Variants in TFEC observed in about 807,000 individuals in gnomAD.
The protein encoded by TFEC is class E basic helix-loop-helix protein 34.
A neutral mutation model predicts 41.6 loss-of-function variants in TFEC; 31 were observed. The ratio of observed to expected loss-of-function variants is 0.74; its 90% CI spans 0.56 to 1.01. TFEC has a LOEUF of 1.01. Ranked by LOEUF, TFEC falls within the 50% of genes least tolerant of loss-of-function variation. The pLI, the probability that TFEC is intolerant of heterozygous loss-of-function variation, is 0.00. For synonymous variants in TFEC, 143 were observed against 140.6 expected (o/e 1.02, Z -0.12); for missense variants, 402 against 404.1 (o/e 0.99, Z 0.04).
chr7:116,049,793 T>A lies in TFEC; in HGVS notation c.198+60915A>T, dbSNP rs4470963. ...TAACAAACTGTCTCTCAGACCACAG[T>A]GCAATCAAACTAGAACTCAGGATTA... is the stretch of plus-strand genomic sequence containing the variant. On this transcript the variant is annotated intron_variant, in intron 3 of 8. Coordinates refer to the TFEC transcript ENST00000484212. Among the ~76,000 whole-genome samples, 322 of 152,294 alleles carry A rather than the reference T, an allele frequency of 2.1e-3. 1 individual carries two copies. The highest frequency in any genetic ancestry group is 7.3e-3 in the African/African-American group (304 of 41,560).
chr7:116,138,422 C>T (rs12666836), intron 1 of TFEC, among the ~76,000 whole-genome samples: 23,616 of 152,116 alleles, frequency 0.16, 1,980 homozygotes, highest in East Asian at 0.33. Flanking sequence ...GCTCTGATCT[C>T]ATATAGGCCC....
At chr7:115,951,325 A>C (rs535482148) in intron 5 of TFEC, among the ~76,000 whole-genome samples, 16 of 151,996 alleles carry the variant, frequency 1.1e-4, no homozygotes, top group Non-Finnish European at 1.8e-4. Flanking sequence ...GTCGTGCAAC[A>C]CTCTTTACTC....
At chr7:116,073,681 T>C (rs1796884276) in intron 3 of TFEC, among the ~76,000 whole-genome samples, 1 of 151,828 alleles carries the variant, frequency 6.6e-6, no homozygotes, top group Non-Finnish European at 1.5e-5. Context: ...GCCAAACAAG[T>C]CTTGAAAAAG....
chr7:116,008,525 T>A lies in TFEC; in HGVS notation c.-73+22108A>T, dbSNP rs73460636. Reference sequence around the variant, plus strand: ...GCTTCACAAGTGAATAATAGGTAACTATTAATTATGTTCTTGGTATCAGAG... The same window carrying A: ...GCTTCACAAGTGAATAATAGGTAACAATTAATTATGTTCTTGGTATCAGAG... On this transcript the variant is annotated intron_variant, in intron 1 of 7. Transcript: ENST00000265440. 5.6e-3 allele frequency among the ~76,000 whole-genome samples: 848 copies of A among 152,286 alleles called. 9 individuals are homozygous for A. Among genetic ancestry groups the A allele is most frequent in the African/African-American group, 0.02 (819 of 41,560 alleles).
intron 3 of TFEC, among the ~76,000 whole-genome samples, chr7:116,083,163 G>GTCTAATCTCTAAAATTAGA (rs1797128876): frequency 1.3e-5 from 2 of 151,740 alleles, no homozygotes; most frequent in African/African-American, 4.8e-5. Flanking sequence ...GACTATAAGT[G>GTCTAATCTCTAAAATTAGA]CACAATGTGT....
At chr7:115,958,263 A>G (rs1311893950) in intron 3 of TFEC, among the ~76,000 whole-genome samples, 1 of 151,906 alleles carries the variant, frequency 6.6e-6, no homozygotes, top group Non-Finnish European at 1.5e-5. Flanking sequence ...AATAAATACA[A>G]TTATTCTTTG....
At chr7:116,035,538 T>C (rs984116936), upstream of TFEC, among the ~76,000 whole-genome samples, 4 of 152,116 alleles carry the variant, frequency 2.6e-5, no homozygotes, top group African/African-American at 4.8e-5. Context: ...ATTGGGTACA[T>C]TTGTTAATAT....
At chr7:116,091,449 T>C (rs1584504353) in intron 3 of TFEC, among the ~76,000 whole-genome samples, 1 of 152,222 alleles carries the variant, frequency 6.6e-6, no homozygotes, top group African/African-American at 2.4e-5. Context: ...TTTCCTTCAG[T>C]GTGCTTCTCC....
chr7:116,127,416 G>T (rs559098741), intron 1 of TFEC, among the ~76,000 whole-genome samples: 1 of 152,066 alleles, frequency 6.6e-6, no homozygotes, highest in South Asian at 2.1e-4. Flanking sequence ...GTAATAATTC[G>T]TGTCGTTTAG....
chr7:116,087,068 T>C (rs533957258), intron 3 of TFEC, among the ~76,000 whole-genome samples: 4 of 152,068 alleles, frequency 2.6e-5, no homozygotes, highest in Admixed American at 2.6e-4. Context: ...AGGAATTTCA[T>C]GGCAAAACTG....
chr7:116,038,290 C>T (rs907126829), intron 3 of TFEC, among the ~76,000 whole-genome samples: 1 of 152,008 alleles, frequency 6.6e-6, no homozygotes, highest in Non-Finnish European at 1.5e-5. Context: ...TTGTCTTTAA[C>T]ATGCAATCTC....
At chr7:116,142,762 GTC>G (rs1344329197) in intron 1 of TFEC, among the ~76,000 whole-genome samples, 1 of 152,086 alleles carries the variant, frequency 6.6e-6, no homozygotes, top group Admixed American at 6.5e-5. Context: ...CCTGTTTCCA[GTC>G]TCTTCCTGAA....
At chr7:116,014,256 G>T (rs1053945725) in intron 1 of TFEC, among the ~76,000 whole-genome samples, 1 of 151,900 alleles carries the variant, frequency 6.6e-6, no homozygotes, top group Non-Finnish European at 1.5e-5. Context: ...TATTTTTTGA[G>T]AGATAATTTT....
chr7:116,155,943 A>T (rs1267083870), intron 1 of TFEC, among the ~76,000 whole-genome samples: 1 of 152,122 alleles, frequency 6.6e-6, no homozygotes, highest in African/African-American at 2.4e-5. Context: ...TATGCATTAC[A>T]GAGTTTGGGG....
intron 1 of TFEC, among the ~76,000 whole-genome samples, chr7:116,136,271 G>A (rs895309997): frequency 3.3e-5 from 5 of 151,950 alleles, no homozygotes; most frequent in East Asian, 1.9e-4. Flanking sequence ...AAAACAATTC[G>A]AAGCAATTTA....
chr7:115,952,771 C>A (rs1792014812), intron 5 of TFEC, among the ~76,000 whole-genome samples: 1 of 152,038 alleles, frequency 6.6e-6, no homozygotes, highest in African/African-American at 2.4e-5. Flanking sequence ...AAGTTTTTGA[C>A]ATATTCACTT....
At chr7:116,082,141 C>A (rs1280103593) in intron 3 of TFEC, among the ~76,000 whole-genome samples, 5 of 151,960 alleles carry the variant, frequency 3.3e-5, no homozygotes, top group Non-Finnish European at 5.9e-5. Context: ...TACAACGCTT[C>A]TTATATTAGG....
In TFEC at chr7:115,999,638, G is replaced by A. The variant is rs1355188825; in HGVS notation, c.-72-15125C>T. On this transcript the variant is annotated intron_variant, in intron 1 of 7. Transcript: ENST00000265440. ...AATAAATGAAATGAGAGATGAAAAA[G>A]GAGACATTACAACTGATATCACAGA... Among the ~76,000 whole-genome samples, 4 of 151,710 alleles carry A rather than the reference G, an allele frequency of 2.6e-5. No homozygotes were observed. In the South Asian group the frequency reaches 6.2e-4, roughly 24 times the overall value.
At position 115,965,543 on chromosome 7, in the gene TFEC, T is replaced by C. The variant is rs532586773; in HGVS notation, c.267+8627A>G. 2.6e-5 allele frequency among the ~76,000 whole-genome samples: 4 copies of C among 151,766 alleles called. No individual in the cohort carries two copies. The South Asian group carries it at 8.3e-4, about 31-fold the overall frequency. The stretch of plus-strand genomic sequence containing the variant: ...TTTTTCTTTCTTTTTTAGTTGAAGT[T>C]ACTAATGTCTCCAAATTGCAATTTT... On this transcript the variant is annotated intron_variant, in intron 3 of 7. Transcript: ENST00000265440.
Sources: gnomAD v4.1 joint callset for allele counts (sites outside exome capture counted in the v4.1 genomes callset) on GRCh38, gnomAD v4.1.1 for gene constraint, MANE v1.5 for transcripts, NCBI Gene and HGNC (gene_info 2026-07-23, HGNC 2026-07-21) for gene names.